Variants in NRG1 observed in about 807,000 individuals in gnomAD.
NRG1 encodes pro-neuregulin-1, membrane-bound isoform.
A neutral mutation model predicts 63.8 loss-of-function variants in NRG1; 18 were observed. The ratio of observed to expected loss-of-function variants is 0.28; its 90% CI spans 0.19 to 0.42. The LOEUF (loss-of-function observed/expected upper bound fraction) is 0.42, where lower values mean the gene tolerates loss of function less well. Among genes scored for constraint, NRG1 ranks in the 10% least tolerant of loss-of-function variants. The pLI is 1.00. For synonymous variants in NRG1, 302 were observed against 301.3 expected (o/e 1.00, Z -0.02); for missense variants, 762 against 814.7 (o/e 0.94, Z 0.79).
At chr8:31,980,057 A>T (rs951106150) in intron 1 of NRG1, among the ~76,000 whole-genome samples, 55 of 152,160 alleles carry the variant, frequency 3.6e-4, no homozygotes, top group African/African-American at 1.2e-3. Flanking sequence ...TCCCTGTTTT[A>T]TGTATGAGGA....
intron 7 of NRG1, 141 bp from the exon 8 acceptor site, chr8:32,754,231 G>A (rs1257760677): frequency 1.4e-6 from 1 of 708,324 alleles, no homozygotes; most frequent in Admixed American, 2.2e-5. Flanking sequence ...CCTTAGCTAT[G>A]TGTGTAAACG....
chr8:32,129,356 A>G (rs1834505965), intron 1 of NRG1, among the ~76,000 whole-genome samples: 1 of 151,872 alleles, frequency 6.6e-6, no homozygotes, highest in South Asian at 2.1e-4. Flanking sequence ...TCTACACAGA[A>G]TCTTCCCTTG....
intron 1 of NRG1, among the ~76,000 whole-genome samples, chr8:32,521,730 T>G (rs992833490): frequency 1.3e-5 from 2 of 152,226 alleles, no homozygotes; most frequent in Admixed American, 1.3e-4. Flanking sequence ...GTTTTAGCTA[T>G]TCTTAAAGAA....
intron 1 of NRG1, among the ~76,000 whole-genome samples, chr8:31,665,782 T>C (rs1563271099): frequency 1.3e-5 from 2 of 152,150 alleles, no homozygotes; most frequent in Non-Finnish European, 2.9e-5. Context: ...CTTAATGAAA[T>C]GGTGCGATAT....
intron 1 of NRG1, among the ~76,000 whole-genome samples, chr8:31,977,251 T>C (rs1276435946): frequency 6.6e-6 from 1 of 152,146 alleles, no homozygotes; most frequent in Non-Finnish European, 1.5e-5. Flanking sequence ...AAATTCAACA[T>C]GTCTATTTTG....
chr8:31,796,534 A>G (rs113898636), intron 1 of NRG1, among the ~76,000 whole-genome samples: 501 of 135,380 alleles, frequency 3.7e-3, no homozygotes, highest in African/African-American at 0.013. Flanking sequence ...CTGGGTCCAC[A>G]CCATTCTCCC....
intron 1 of NRG1, among the ~76,000 whole-genome samples, chr8:32,513,445 C>G (rs917453054): frequency 6.6e-6 from 1 of 151,510 alleles, no homozygotes; most frequent in East Asian, 1.9e-4. Context: ...ATGATTTCTC[C>G]TATAGTAGTT....
intron 1 of NRG1, among the ~76,000 whole-genome samples, chr8:31,969,839 G>A (rs928641872): frequency 2.0e-5 from 3 of 152,070 alleles, no homozygotes; most frequent in African/African-American, 4.8e-5. Context: ...GTGTGCTCTG[G>A]GCAGGGGTGG....
At chr8:32,466,976 C>A (rs1295615413) in intron 1 of NRG1, among the ~76,000 whole-genome samples, 2 of 151,822 alleles carry the variant, frequency 1.3e-5, no homozygotes, top group Non-Finnish European at 2.9e-5. Flanking sequence ...ACACAGCAAC[C>A]CCTCAGGATT....
chr8:31,749,442 C>A (rs1365271405), intron 1 of NRG1, among the ~76,000 whole-genome samples: 1 of 151,468 alleles, frequency 6.6e-6, no homozygotes, highest in Non-Finnish European at 1.5e-5. Flanking sequence ...CTAAGCAGCA[C>A]AAGAAAATAT....
rs116851188 is a variant in NRG1, at chr8:32,362,980, G to A, written c.38-232848G>A. ...TCATTAGACCCATCAAGGATTGCAC[G>A]TGCCCTGTGCAAGGCCACATGCGCA... On this transcript the variant is annotated intron_variant, in intron 1 of 10. Transcript: ENST00000519301. Among the ~76,000 whole-genome samples the A allele has an allele frequency of 8.6e-3, 1,307 of 152,242 alleles. 8 individuals carry two copies. Among genetic ancestry groups the A allele is most frequent in the Non-Finnish European group, 0.014 (984 of 68,024 alleles).
intron 1 of NRG1, among the ~76,000 whole-genome samples, chr8:32,265,022 T>A (rs1474514534): frequency 1.3e-5 from 2 of 151,922 alleles, no homozygotes; most frequent in Admixed American, 1.3e-4. Flanking sequence ...GACGATGACA[T>A]TTTTTTTCCC....
chr8:32,421,096 G>A (rs951785810), intron 1 of NRG1, among the ~76,000 whole-genome samples: 1 of 152,140 alleles, frequency 6.6e-6, no homozygotes, highest in Non-Finnish European at 1.5e-5. Flanking sequence ...AAATTACCCA[G>A]TCTCAGGTAT....
chr8:32,685,322 A>G (rs2128924430), intron 5 of NRG1, among the ~76,000 whole-genome samples: 1 of 152,208 alleles, frequency 6.6e-6, no homozygotes, highest in South Asian at 2.1e-4. Context: ...TGGGGCCTCA[A>G]TTTATTCTTT....
intron 1 of NRG1, among the ~76,000 whole-genome samples, chr8:31,903,033 G>T (rs1162584938): frequency 6.6e-6 from 1 of 152,020 alleles, no homozygotes; most frequent in Admixed American, 6.6e-5. Context: ...CCCATGTAGA[G>T]AAATCACATG....
At chr8:31,639,576 CT>C (rs1803531128) in intron 1 of NRG1, 1 of 1,438,624 alleles carries the variant, frequency 7.0e-7, no homozygotes. Flanking sequence ...CGCAGCATCA[CT>C]TCACACAAAG....
chr8:32,703,404 A>G (rs889594435), intron 5 of NRG1, among the ~76,000 whole-genome samples: 2 of 143,052 alleles, frequency 1.4e-5, no homozygotes, highest in Non-Finnish European at 3.0e-5. Context: ...TATTGTAGAG[A>G]TATCTCACTA....
intron 1 of NRG1, among the ~76,000 whole-genome samples, chr8:31,698,011 T>C (rs1321346342): frequency 1.3e-5 from 2 of 152,006 alleles, no homozygotes; most frequent in African/African-American, 4.8e-5. Flanking sequence ...CCCAAATAAT[T>C]ACAGTTTTAA....
intron 5 of NRG1, among the ~76,000 whole-genome samples, chr8:32,634,830 G>C (rs13278493): frequency 0.29 from 43,692 of 152,038 alleles, 7,152 homozygotes; most frequent in Non-Finnish European, 0.36. Flanking sequence ...ATATTGTACA[G>C]TGGTACAGAA....
Sources: gnomAD v4.1 joint callset for allele counts (sites outside exome capture counted in the v4.1 genomes callset) on GRCh38, gnomAD v4.1.1 for gene constraint, MANE v1.5 for transcripts, NCBI Gene and HGNC (gene_info 2026-07-23, HGNC 2026-07-21) for gene names.